The following SUN5 variants were observed in gnomAD, a reference collection of about 807,000 sequenced individuals.
SUN5 encodes SUN domain-containing protein 5.
In SUN5, 44 loss-of-function variants were observed where a neutral mutation model predicts 53.7. The ratio of observed to expected loss-of-function variants is 0.82; its 90% CI spans 0.64 to 1.05. The LOEUF (loss-of-function observed/expected upper bound fraction) is 1.05. Among genes scored for constraint, SUN5 ranks in the 50% least tolerant of loss-of-function variants. The pLI, the probability that SUN5 is intolerant of heterozygous loss-of-function variation, is 0.00. For synonymous variants in SUN5, 166 were observed against 179.8 expected (o/e 0.92, Z 0.62); for missense variants, 433 against 483.8 (o/e 0.90, Z 0.98).
At chr20:33,000,384 A>G (rs1003134257) in intron 4 of SUN5, among the ~76,000 whole-genome samples, 1 of 152,226 alleles carries the variant, frequency 6.6e-6, no homozygotes, top group Admixed American at 6.5e-5. Context: ...CTGGGAGCTC[A>G]TGAGTGGCAG....
chr20:32,997,551 G>T, intron 6 of SUN5, 87 bp downstream of exon 6: 2 of 1,484,512 alleles, frequency 1.3e-6, no homozygotes, highest in East Asian at 2.3e-5. Flanking sequence ...GCCCCATTTG[G>T]TGAGAATGAA....
rs903291955 is a variant in SUN5 at position 32,987,790 on chromosome 20, G to A, written c.614-15C>T. The A allele has an allele frequency of 1.9e-5, 31 of 1,605,232 alleles. No homozygotes were observed. Among genetic ancestry groups the A allele is most frequent in the Non-Finnish European group, 2.5e-5 (29 of 1,175,404 alleles). Reference sequence around the variant, plus strand: ...AATGCTGGCCCCTGTATAGGAGAAGGGGGTCTCAGCCAAGCAGCCGGGCTT... The same window carrying A: ...AATGCTGGCCCCTGTATAGGAGAAGAGGGTCTCAGCCAAGCAGCCGGGCTT... On this transcript the variant is annotated splice_polypyrimidine_tract_variant and intron_variant, in intron 9 of 12. Coordinates refer to ENST00000356173, the MANE Select transcript of SUN5 (RefSeq NM_080675.4).
chr20:32,995,096 A>G (rs1413638040), intron 8 of SUN5, among the ~76,000 whole-genome samples: 1 of 152,232 alleles, frequency 6.6e-6, no homozygotes, highest in Non-Finnish European at 1.5e-5. Context: ...ATCCAAGGAA[A>G]GGAGACAGAT....
intron 8 of SUN5, among the ~76,000 whole-genome samples, chr20:32,992,930 C>CT: frequency 6.6e-6 from 1 of 152,270 alleles, no homozygotes. Flanking sequence ...TGTGGGACAA[C>CT]TGGAATTTGC....
At position 32,995,711 on chromosome 20, in the gene SUN5, C is replaced by A. The variant is rs775361412; in HGVS notation, c.442G>T (p.Val148Leu). The change falls in exon 8 of 13, where the codon GTG (valine) becomes TTG (leucine). Residue 148 changes from valine (V) to leucine (L), a missense_variant. Coordinates refer to ENST00000356173, the MANE Select transcript of SUN5 (RefSeq NM_080675.4). ...LQSLRLYQEK[V>L]RHHSGEIQDL... ...TGGATTTCCCCACTGTGATGTCGCACCTTCTCCTGGTACAACCTTATCAGG... is the reference window on the plus strand; with the variant it reads ...TGGATTTCCCCACTGTGATGTCGCAACTTCTCCTGGTACAACCTTATCAGG... 1 of 1,614,124 alleles carries A rather than the reference C, an allele frequency of 6.2e-7. No individual in the cohort carries two copies. The highest frequency in any genetic ancestry group is 1.1e-5 in the South Asian group (1 of 91,074).
chr20:32,985,934 CTGGG>C (rs1989527130), intron 10 of SUN5, 31 bp from the exon 11 acceptor site: 2 of 1,602,210 alleles, frequency 1.2e-6, no homozygotes, highest in African/African-American at 2.7e-5. Context: ...AAGGGATATG[CTGGG>C]TGGGTAGGGG....
chr20:32,989,528 G>C, intron 9 of SUN5, 92 bp downstream of exon 9: 1 of 1,082,674 alleles, frequency 9.2e-7, no homozygotes, highest in East Asian at 2.5e-5. Context: ...CCCAGCGGCA[G>C]AGGGAGTACC....
chr20:33,000,165 A>G, intron 4 of SUN5, 30 bp from the exon 5 acceptor site: 1 of 1,583,418 alleles, frequency 6.3e-7, no homozygotes, highest in Non-Finnish European at 8.6e-7. Flanking sequence ...GGTCAAGATC[A>G]GGTGGGCAAG....
At chr20:32,985,941 G>T (rs1256258859) in intron 10 of SUN5, 38 bp from the exon 11 acceptor site, 2 of 1,593,818 alleles carry the variant, frequency 1.3e-6, no homozygotes, top group Admixed American at 1.7e-5. Flanking sequence ...ATGCTGGGTG[G>T]GTAGGGGGAT....
At chr20:32,994,243 T>C (rs1421866908) in intron 8 of SUN5, among the ~76,000 whole-genome samples, 11 of 152,214 alleles carry the variant, frequency 7.2e-5, no homozygotes, top group East Asian at 1.9e-4. Context: ...AAGTGACCAG[T>C]CTATTTCATC....
intron 8 of SUN5, among the ~76,000 whole-genome samples, chr20:32,994,228 G>A (rs1989781704): frequency 6.6e-6 from 1 of 152,210 alleles, no homozygotes; most frequent in Admixed American, 6.5e-5. Context: ...TGCATGTCTA[G>A]ATAGAAGTGA....
intron 1 of SUN5, 73 bp from the exon 2 acceptor site, chr20:33,002,992 C>A: frequency 6.5e-7 from 1 of 1,545,712 alleles, no homozygotes; most frequent in Non-Finnish European, 8.9e-7. Context: ...GTGCATACCA[C>A]GTTCCAGATT....
rs760016112 is a variant in SUN5, at chr20:32,987,732, A to G, written c.657T>C (p.His219=). The G allele has an allele frequency of 1.9e-6, 3 of 1,613,018 alleles. No homozygotes were observed. Among genetic ancestry groups the G allele is most frequent in the Non-Finnish European group, 1.7e-6 (2 of 1,179,722 alleles). The part of the protein sequence containing the change: ...DFEHTSVTYN[H]EKAHSYWNWI... ...AGTTCCAGTAGGAGTGGGCCTTCTC[A>G]TGGTTATAGGTGACTGACGTGTGCT... is the stretch of plus-strand genomic sequence containing the variant. The change falls in exon 10 of 13, where the codon CAT becomes CAC. Residue 219 remains histidine (H), a synonymous_variant. Transcript: ENST00000356173.
rs749701900 is a variant in SUN5 at position 32,985,828 on chromosome 20, C to G, written c.805G>C (p.Val269Leu). Residue 269 changes from valine to leucine, a missense_variant, in exon 11 of 13, where the codon GTT becomes CTT. Transcript: ENST00000356173. ...TGCAGCGTGAGGTTGGACAGGTAAACCTTCTGAGCCAATTGGATGGTCACC... is the reference window on the plus strand; with the variant it reads ...TGCAGCGTGAGGTTGGACAGGTAAAGCTTCTGAGCCAATTGGATGGTCACC... ...GQVTIQLAQK[V>L]YLSNLTLQHI... 1 of 1,614,132 alleles carries G rather than the reference C, an allele frequency of 6.2e-7. No individual in the cohort carries two copies. The highest frequency in any genetic ancestry group is 1.1e-5 in the South Asian group (1 of 91,084).
At chr20:33,000,018 A>G (rs761502930) in intron 5 of SUN5, 56 bp downstream of exon 5, 32 of 1,580,688 alleles carry the variant, frequency 2.0e-5, no homozygotes, top group Non-Finnish European at 2.7e-5. Flanking sequence ...TCCTATAATC[A>G]GTGCCAGGGC....
intron 5 of SUN5, among the ~76,000 whole-genome samples, chr20:32,998,234 G>C (rs117113782): frequency 4.7e-5 from 7 of 149,144 alleles, no homozygotes; most frequent in African/African-American, 1.7e-4. Flanking sequence ...CACGTCTATA[G>C]TCCCAGCTAC....
chr20:33,000,203 C>T (rs774115429), intron 4 of SUN5, 68 bp from the exon 5 acceptor site: 7 of 1,515,296 alleles, frequency 4.6e-6, no homozygotes, highest in Admixed American at 2.2e-5. Flanking sequence ...CCCTCCTCCT[C>T]GTCACTCTCT....
chr20:32,989,410 C>G (rs2146326533), intron 9 of SUN5, among the ~76,000 whole-genome samples: 1 of 148,910 alleles, frequency 6.7e-6, no homozygotes, highest in East Asian at 2.0e-4. Context: ...TCCCGTGTTC[C>G]CTCCCACCCC....
intron 8 of SUN5, among the ~76,000 whole-genome samples, chr20:32,994,014 C>A (rs558171831): frequency 1.5e-4 from 23 of 152,304 alleles, no homozygotes; most frequent in Middle Eastern, 3.4e-3. Context: ...AGAAGGCTGC[C>A]ACCAGGCCCA....
Sources: allele counts gnomAD v4.1 joint callset (sites outside exome capture counted in the v4.1 genomes callset), GRCh38; gene constraint gnomAD v4.1.1; transcripts MANE v1.5; gene names NCBI Gene and HGNC (gene_info 2026-07-23, HGNC 2026-07-21).